PRKCB: variants seen among roughly 807,000 people sequenced by gnomAD.
PRKCB encodes the protein protein kinase C beta, also known as protein kinase C beta type.
In PRKCB, 13 loss-of-function variants were observed where a neutral mutation model predicts 81.5. The observed-to-expected ratio is 0.16, with a 90% CI of 0.10 to 0.25. PRKCB has a LOEUF of 0.25. Among genes scored for constraint, PRKCB ranks in the 10% least tolerant of loss-of-function variants. The pLI is 1.00. For missense variants in PRKCB, 509 were observed against 875.7 expected (o/e 0.58, Z 5.29); for synonymous variants, 335 against 321.4 (o/e 1.04, Z -0.45).
At chr16:23,933,902 C>CCT (rs1964018399) in intron 2 of PRKCB, among the ~76,000 whole-genome samples, 1 of 132,472 alleles carries the variant, frequency 7.5e-6, no homozygotes, top group Non-Finnish European at 1.5e-5. Flanking sequence ...CAATTTTCTA[C>CCT]CCATCCATCC....
intron 16 of PRKCB, among the ~76,000 whole-genome samples, chr16:24,192,030 T>G (rs1045033554): frequency 5.3e-5 from 8 of 152,258 alleles, no homozygotes; most frequent in African/African-American, 1.9e-4. Flanking sequence ...AATGATGGGT[T>G]GTAAAACTAC....
chr16:23,901,351 T>G (rs899098556), intron 2 of PRKCB, among the ~76,000 whole-genome samples: 1 of 152,004 alleles, frequency 6.6e-6, no homozygotes, highest in Non-Finnish European at 1.5e-5. Context: ...TTAAAAAAAA[T>G]CGTTAACTCA....
At chr16:23,926,379 G>A (rs1963896315) in intron 2 of PRKCB, among the ~76,000 whole-genome samples, 1 of 151,886 alleles carries the variant, frequency 6.6e-6, no homozygotes, top group Non-Finnish European at 1.5e-5. Context: ...AGCTACTCAG[G>A]AGGCCGAGGT....
chr16:24,026,103 C>A (rs949344566), intron 3 of PRKCB, among the ~76,000 whole-genome samples: 1 of 152,220 alleles, frequency 6.6e-6, no homozygotes, highest in African/African-American at 2.4e-5. Flanking sequence ...TTGAGACCAG[C>A]CTGGGCAACA....
chr16:24,163,512 A>C (rs1330511906), intron 10 of PRKCB, among the ~76,000 whole-genome samples: 2 of 152,206 alleles, frequency 1.3e-5, no homozygotes, highest in African/African-American at 4.8e-5. Flanking sequence ...TTCAATAATC[A>C]AAGATCTGTG....
At chr16:23,874,568 CTTTT>C (rs58560122) in intron 2 of PRKCB, among the ~76,000 whole-genome samples, 1 of 133,046 alleles carries the variant, frequency 7.5e-6, no homozygotes, top group Non-Finnish European at 1.6e-5. Flanking sequence ...ATTCTTCTCT[CTTTT>C]TTTTTTTTTT....
chr16:24,114,593 C>T (rs374868614), intron 8 of PRKCB, among the ~76,000 whole-genome samples: 7 of 152,216 alleles, frequency 4.6e-5, no homozygotes, highest in East Asian at 3.9e-4. Flanking sequence ...GTATAGGACA[C>T]ATCCTTGCTT....
At chr16:24,167,566 A>C (rs866392157) in intron 10 of PRKCB, among the ~76,000 whole-genome samples, 2 of 152,040 alleles carry the variant, frequency 1.3e-5, no homozygotes, top group African/African-American at 2.4e-5. Context: ...CCACAGAAAA[A>C]AAAAAACAAA....
chr16:24,058,236 C>G (rs1965929101), intron 5 of PRKCB, among the ~76,000 whole-genome samples: 1 of 152,106 alleles, frequency 6.6e-6, no homozygotes, highest in Non-Finnish European at 1.5e-5. Flanking sequence ...AAACCCCTCC[C>G]AGTCACTCCC....
At chr16:23,846,187 T>G (rs900400815) in intron 2 of PRKCB, among the ~76,000 whole-genome samples, 3 of 152,230 alleles carry the variant, frequency 2.0e-5, no homozygotes, top group African/African-American at 7.2e-5. Flanking sequence ...CTGATTTCAT[T>G]AAGGAGAAAG....
intron 3 of PRKCB, among the ~76,000 whole-genome samples, chr16:24,016,526 C>T (rs562006247): frequency 7.2e-5 from 11 of 152,156 alleles, no homozygotes; most frequent in African/African-American, 2.7e-4. Context: ...CCAAGAATGT[C>T]TGGTTATAAA....
chr16:24,004,313 G>C (rs1181800705), intron 3 of PRKCB, among the ~76,000 whole-genome samples: 1 of 151,894 alleles, frequency 6.6e-6, no homozygotes, highest in African/African-American at 2.4e-5. Context: ...GGACAAAAGT[G>C]TATCATGAAA....
At chr16:23,841,549 A>G (rs1399197583) in intron 2 of PRKCB, among the ~76,000 whole-genome samples, 5 of 151,744 alleles carry the variant, frequency 3.3e-5, no homozygotes, top group African/African-American at 1.2e-4. Flanking sequence ...GGGCAGTGAC[A>G]TGATCATAGC....
intron 5 of PRKCB, among the ~76,000 whole-genome samples, chr16:24,047,462 T>G (rs977671715): frequency 6.6e-6 from 1 of 151,644 alleles, no homozygotes; most frequent in Non-Finnish European, 1.5e-5. Context: ...GCCCAGGAGT[T>G]GGTGGCTGCG....
intron 3 of PRKCB, among the ~76,000 whole-genome samples, chr16:24,019,273 G>C (rs1165321581): frequency 6.6e-6 from 1 of 151,706 alleles, no homozygotes; most frequent in East Asian, 1.9e-4. Flanking sequence ...GAGCCCAGAA[G>C]TTTGAGGCTC....
intron 10 of PRKCB, among the ~76,000 whole-genome samples, chr16:24,157,286 A>G (rs1418977596): frequency 1.3e-5 from 2 of 152,090 alleles, no homozygotes; most frequent in Non-Finnish European, 2.9e-5. Flanking sequence ...CTGTGTCCCC[A>G]CCCAAATCTC....
chr16:24,179,705 TAGAC>T (rs755674421), intron 12 of PRKCB, among the ~76,000 whole-genome samples: 1 of 152,244 alleles, frequency 6.6e-6, no homozygotes, highest in Non-Finnish European at 1.5e-5. Flanking sequence ...GTCACCGCCT[TAGAC>T]AGGTCTTTTC....
intron 5 of PRKCB, among the ~76,000 whole-genome samples, chr16:24,057,924 C>T (rs1177372071): frequency 6.6e-6 from 1 of 152,096 alleles, no homozygotes; most frequent in Non-Finnish European, 1.5e-5. Flanking sequence ...GGCCATGTCA[C>T]CCCCCTGCTT....
intron 8 of PRKCB, among the ~76,000 whole-genome samples, chr16:24,121,592 G>T (rs1966798844): frequency 6.6e-6 from 1 of 152,070 alleles, no homozygotes; most frequent in Non-Finnish European, 1.5e-5. Flanking sequence ...GCCCAGGCTG[G>T]TCTTGAACTC....
Sources: allele counts gnomAD v4.1 joint callset (sites outside exome capture counted in the v4.1 genomes callset), GRCh38; gene constraint gnomAD v4.1.1; transcripts MANE v1.5; gene names NCBI Gene and HGNC (gene_info 2026-07-23, HGNC 2026-07-21).